AGBL4: variants seen among roughly 807,000 people sequenced by gnomAD.
The protein encoded by AGBL4 is AGBL carboxypeptidase 4.
Under a neutral mutation model 66.4 loss-of-function variants are expected in AGBL4, and 58 were observed. The observed-to-expected ratio is 0.87, with a 90% CI of 0.71 to 1.09. The LOEUF is 1.09. Ranked by LOEUF, AGBL4 falls within the 50% of genes least tolerant of loss-of-function variation. The pLI is 0.00. For synonymous variants in AGBL4, 234 were observed against 222.9 expected (o/e 1.05, Z -0.44); for missense variants, 579 against 631.0 (o/e 0.92, Z 0.88).
At chr1:49,987,257 T>G (rs189970369) in intron 1 of AGBL4, among the ~76,000 whole-genome samples, 1 of 152,086 alleles carries the variant, frequency 6.6e-6, no homozygotes, top group African/African-American at 2.4e-5. Context: ...ATCATAAGAG[T>G]TTTGAAATTA....
At chr1:49,567,154 G>A (rs1437277263) in intron 3 of AGBL4, among the ~76,000 whole-genome samples, 1 of 152,224 alleles carries the variant, frequency 6.6e-6, no homozygotes, top group Non-Finnish European at 1.5e-5. Context: ...TTGGAAAAGT[G>A]CAGTATTAGG....
intron 1 of AGBL4, among the ~76,000 whole-genome samples, chr1:49,951,824 A>G (rs1183771923): frequency 3.3e-5 from 5 of 151,992 alleles, no homozygotes; most frequent in African/African-American, 4.8e-5. Flanking sequence ...ATATTTATTT[A>G]TCAATCATAC....
intron 3 of AGBL4, among the ~76,000 whole-genome samples, chr1:49,570,651 ATT>A (rs1297229422): frequency 6.6e-6 from 1 of 152,024 alleles, no homozygotes; most frequent in Non-Finnish European, 1.5e-5. Flanking sequence ...TTAGTCATAT[ATT>A]GTTTGCCTAG....
Position 49,827,711 on chromosome 1 carries a change from T to C in AGBL4, c.157+23685A>G, listed in dbSNP as rs535474345. Among the ~76,000 whole-genome samples the C allele has an allele frequency of 2.2e-4, 33 of 152,304 alleles. 2 individuals carry two copies. The South Asian group carries it at 5.4e-3, about 25-fold the overall frequency. ...ACTTATGATTGGTTTACTTATCTAG[T>C]TCAATAGGGTGTAAATAAATTTAAA... On this transcript the variant is annotated intron_variant, in intron 2 of 13. Transcript: ENST00000371839.
chr1:49,994,286 A>T (rs560977244), intron 1 of AGBL4: 6 of 149,478 alleles, frequency 4.0e-5, no homozygotes, highest in Non-Finnish European at 5.9e-5. Flanking sequence ...AGACAATACA[A>T]TGTGTTGAAC....
At chr1:48,525,468 A>T in the AGBL4 span, among the ~76,000 whole-genome samples, 1 of 152,226 alleles carries the variant, frequency 6.6e-6, no homozygotes, top group Non-Finnish European at 1.5e-5. Flanking sequence ...GCATGGATGA[A>T]GTAGGGAACT....
At chr1:49,470,994 C>A (rs1210452557) in intron 3 of AGBL4, among the ~76,000 whole-genome samples, 1 of 152,040 alleles carries the variant, frequency 6.6e-6, no homozygotes, top group Non-Finnish European at 1.5e-5. Context: ...GCCTGCCCTG[C>A]CTTAGTTAAG....
intron 2 of AGBL4, among the ~76,000 whole-genome samples, chr1:49,742,187 A>G (rs1350097098): frequency 6.6e-6 from 1 of 151,076 alleles, no homozygotes; most frequent in Non-Finnish European, 1.5e-5. Flanking sequence ...TAAGCTGATA[A>G]GCAACTTCAG....
At position 49,257,744 on chromosome 1, in the gene AGBL4, T is replaced by C. The variant is rs182656863; in HGVS notation, c.283-11880A>G. On this transcript the variant is annotated intron_variant, in intron 3 of 13. Transcript: ENST00000371839. ...GGTACCTCAGATGGAAATGCAGAAA[T>C]CACCCATCTTCTGCGTCACTCACGC... is the stretch of plus-strand genomic sequence containing the variant. 3.2e-4 allele frequency among the ~76,000 whole-genome samples: 48 copies of C among 152,290 alleles called. 1 individual carries two copies. The East Asian group carries it at 7.2e-3, about 23-fold the overall frequency.
intron 5 of AGBL4, among the ~76,000 whole-genome samples, chr1:48,924,441 T>A (rs80015558): frequency 0.044 from 6,737 of 152,172 alleles, 428 homozygotes; most frequent in African/African-American, 0.15. Context: ...CAAAAGACTT[T>A]AAAATAAACC....
chr1:49,773,012 T>A (rs959662826), intron 2 of AGBL4, among the ~76,000 whole-genome samples: 2 of 152,202 alleles, frequency 1.3e-5, no homozygotes, highest in Non-Finnish European at 2.9e-5. Context: ...ATAAGTTCTG[T>A]AGGCCTTCTT....
intron 2 of AGBL4, chr1:49,842,152 C>A (rs1646012008): frequency 7.6e-6 from 3 of 393,488 alleles, no homozygotes; most frequent in Non-Finnish European, 9.7e-6. Context: ...GGACCACCCA[C>A]ACTGCATTGG....
At chr1:49,999,041 T>C (rs1660559647) in intron 1 of AGBL4, among the ~76,000 whole-genome samples, 1 of 152,044 alleles carries the variant, frequency 6.6e-6, no homozygotes, top group Non-Finnish European at 1.5e-5. Flanking sequence ...ATGCCCACTT[T>C]CACCACTTCT....
intron 4 of AGBL4, among the ~76,000 whole-genome samples, chr1:49,138,063 T>A (rs1006528831): frequency 6.6e-6 from 1 of 151,968 alleles, no homozygotes; most frequent in Non-Finnish European, 1.5e-5. Flanking sequence ...AAGTGAAAAA[T>A]TCTGGAACTG....
intron 6 of AGBL4, among the ~76,000 whole-genome samples, chr1:48,707,308 C>A (rs1646896517): frequency 6.6e-6 from 1 of 151,972 alleles, no homozygotes; most frequent in Non-Finnish European, 1.5e-5. Context: ...ACAACAACAA[C>A]AACAACAACA....
At chr1:49,991,630 T>A (rs573669546) in intron 1 of AGBL4, among the ~76,000 whole-genome samples, 49 of 152,344 alleles carry the variant, frequency 3.2e-4, no homozygotes, top group Admixed American at 7.8e-4. Flanking sequence ...ATCCTCATCA[T>A]ATCCACATGG....
At chr1:48,606,333 T>G (rs1645153528) in intron 9 of AGBL4, among the ~76,000 whole-genome samples, 1 of 152,218 alleles carries the variant, frequency 6.6e-6, no homozygotes. Context: ...AAAAATGGAT[T>G]TGTTTACAGA....
At chr1:49,332,850 C>T (rs1282878942) in intron 3 of AGBL4, among the ~76,000 whole-genome samples, 1 of 152,064 alleles carries the variant, frequency 6.6e-6, no homozygotes, top group Non-Finnish European at 1.5e-5. Flanking sequence ...CACTGTCTTC[C>T]ACAATGGTTG....
At chr1:49,667,325 G>T (rs776087732) in intron 3 of AGBL4, among the ~76,000 whole-genome samples, 4 of 152,000 alleles carry the variant, frequency 2.6e-5, no homozygotes, top group Admixed American at 2.0e-4. Context: ...AGCCATGGTG[G>T]CACGTGCCTA....
Sources: allele counts gnomAD v4.1 joint callset (sites outside exome capture counted in the v4.1 genomes callset), GRCh38; gene constraint gnomAD v4.1.1; transcripts MANE v1.5; gene names NCBI Gene and HGNC (gene_info 2026-07-23, HGNC 2026-07-21).